Variants in SLITRK2 observed in about 807,000 individuals in gnomAD.
SLITRK2 encodes the protein SLIT and NTRK like family member 2, also known as SLIT and NTRK-like protein 2.
Under a neutral mutation model 35.4 loss-of-function variants are expected in SLITRK2, and 13 were observed. The observed-to-expected ratio is 0.37, with a 90% CI of 0.24 to 0.58. The LOEUF (loss-of-function observed/expected upper bound fraction) is 0.58, where lower values mean the gene tolerates loss of function less well. Ranked by LOEUF, SLITRK2 falls within the 20% of genes least tolerant of loss-of-function variation. SLITRK2 has a pLI of 0.75. For synonymous variants in SLITRK2, 294 were observed against 264.7 expected, an observed-to-expected ratio of 1.11 and a Z score of -1.07; for missense variants, 471 against 634.3, an observed-to-expected ratio of 0.74 and a Z score of 2.76.
chrX:145,819,609 T>C (rs1398222734), intron 1 of SLITRK2: 1 of 112,368 alleles, frequency 8.9e-6, no homozygotes, highest in Non-Finnish European at 1.9e-5. Flanking sequence ...TTTTAACCTT[T>C]GGAAATACAT....
rs782620217 is a variant in SLITRK2 at position 145,826,745 on chromosome X, T to A, written c.*1782T>A. 1 of 112,367 alleles carries A rather than the reference T, an allele frequency of 8.9e-6. No homozygotes were observed. Among genetic ancestry groups the A allele is most frequent in the South Asian group, 3.7e-4 (1 of 2,704 alleles). The allele number at this position is 112,367 out of a possible 1,213,427, so 9.3% of individuals were successfully genotyped here. On this transcript the variant is annotated 3_prime_UTR_variant, in exon 5 of 5. Coordinates refer to ENST00000335565, the MANE Select transcript of SLITRK2 (RefSeq NM_032539.5). ...TGTTTCCTTTTCATAAATAGGTTACTGCACATAATAATCCTTTATCGTCAT... is the reference window on the plus strand; with the variant it reads ...TGTTTCCTTTTCATAAATAGGTTACAGCACATAATAATCCTTTATCGTCAT...
intron 1 of SLITRK2, chrX:145,819,508 A>C (rs1182854442): frequency 8.9e-6 from 1 of 112,328 alleles, no homozygotes; most frequent in South Asian, 3.7e-4. Context: ...TTCGGCTCTC[A>C]CGTCTTTACT....
Position 145,825,998 on chromosome X carries a change from A to G in SLITRK2, c.*1035A>G, listed in dbSNP as rs2073122342. ...TTAGATATTTTTATATATTTAAATG[A>G]AAAAGTCTGTATTTCTAACTTTTTA... On this transcript the variant is annotated 3_prime_UTR_variant, in exon 5 of 5. Coordinates refer to ENST00000335565, the MANE Select transcript of SLITRK2 (RefSeq NM_032539.5). 8.9e-6 allele frequency: 1 copy of G among 112,459 alleles called. No homozygotes were observed. Among genetic ancestry groups the G allele is most frequent in the Non-Finnish European group, 1.9e-5 (1 of 53,159 alleles). The allele number at this position is 112,459 out of a possible 1,213,427, so 9.3% of individuals were successfully genotyped here.
In SLITRK2 at chrX:145,824,595, G is replaced by A. The variant is rs2073089423; in HGVS notation, c.2170G>A (p.Glu724Lys). The change falls in exon 5 of 5, where the codon GAG becomes AAG. Residue 724 changes from glutamate to lysine, a missense_variant. Physicochemically the swap from Glu to Lys is moderately conservative, Grantham distance 56. This residue lies in a region of SLITRK2 where 190 missense variants were observed against 199.3 expected (regional missense o/e 0.95). Coordinates refer to ENST00000335565, the MANE Select transcript of SLITRK2 (RefSeq NM_032539.5). ...NLQEFSYSNL[E>K]EKKEEPATPA... is the part of the protein sequence containing the mutation. ...GCAAGAGTTCAGCTATAGCAACCTG[G>A]AGGAGAAAAAAGAAGAGCCAGCCAC... 1 of 1,208,094 alleles carries A rather than the reference G, an allele frequency of 8.3e-7. No individual in the cohort carries two copies. The highest frequency in any genetic ancestry group is 2.2e-5 in the Admixed American group (1 of 45,393).
At position 145,824,165 on chromosome X, in the gene SLITRK2, C is replaced by T. The variant is rs1243190472; in HGVS notation, c.1740C>T (p.Asp580=). The T allele has an allele frequency of 1.7e-6, 2 of 1,207,005 alleles. No individual in the cohort carries two copies. The highest frequency in any genetic ancestry group is 2.2e-6 in the Non-Finnish European group (2 of 893,778). The stretch of plus-strand genomic sequence containing the variant: ...TGGGGAGGGAGGCTATCTGTCCAGA[C>T]AGCCCAAACTTGTCAGATGGAACCG... ...KFLGREAICP[D]SPNLSDGTVL... is the part of the protein sequence containing the mutation. The change falls in exon 5 of 5, where the codon GAC becomes GAT. Residue 580 remains aspartate (D), a synonymous_variant. Coordinates refer to ENST00000335565, the MANE Select transcript of SLITRK2 (RefSeq NM_032539.5).
chrX:145,823,823 C>G lies in SLITRK2; in HGVS notation c.1398C>G (p.Thr466=), dbSNP rs1556944504. The G allele has an allele frequency of 8.3e-7, 1 of 1,208,810 alleles. No individual in the cohort carries two copies. Among genetic ancestry groups the G allele is most frequent in the Admixed American group, 2.2e-5 (1 of 45,764 alleles). ...YNVIKEIKPL[T]FDALINLQLL... is the part of the protein sequence containing the mutation. ...TCATTAAGGAAATTAAGCCTCTGAC[C>G]TTTGATGCTTTGATTAACCTACAGC... The change falls in exon 5 of 5, where the codon ACC becomes ACG. Residue 466 remains threonine (T), a synonymous_variant. Transcript: ENST00000335565.
At position 145,824,563 on chromosome X, in the gene SLITRK2, G is replaced by A. The variant is rs192056413; in HGVS notation, c.2138G>A (p.Arg713Gln). 5.8e-6 allele frequency: 7 copies of A among 1,208,049 alleles called. No individual in the cohort carries two copies. The highest frequency in any genetic ancestry group is 2.2e-5 in the Admixed American group (1 of 45,436). The change falls in exon 5 of 5, where the codon CGA becomes CAA. Residue 713 changes from arginine (R) to glutamine (Q), a missense_variant. By Grantham distance (43) the Arg-to-Gln change is conservative. Transcript: ENST00000335565. ...GAAGGAGACCCAGTAGCCTATTACC[G>A]AAACCTGCAAGAGTTCAGCTATAGC... ...QKEGDPVAYY[R>Q]NLQEFSYSNL...
intron 1 of SLITRK2, chrX:145,818,804 A>C (rs1312254618): frequency 9.0e-5 from 10 of 111,418 alleles, no homozygotes; most frequent in African/African-American, 3.3e-4. Context: ...TATTTTAATG[A>C]CCGCCTTTCC....
In SLITRK2 at chrX:145,827,329, G is replaced by A. The variant is rs1333326785; in HGVS notation, c.*2366G>A. 1 of 126,711 alleles carries A rather than the reference G, an allele frequency of 7.9e-6. No individual in the cohort carries two copies. The highest frequency in any genetic ancestry group is 1.6e-5 in the Non-Finnish European group (1 of 62,585). The allele number at this position is 126,711 out of a possible 1,213,427, so 10.4% of individuals were successfully genotyped here. A position where few individuals can be genotyped will look rare whatever the true frequency, so the allele number is the denominator to read the frequency against. ...TACAGAGGTAGGTATTTTGGGAAGT[G>A]ATTGTGAAGGCAAATTTGCATATAT... is the stretch of plus-strand genomic sequence containing the variant. On this transcript the variant is annotated 3_prime_UTR_variant, in exon 5 of 5. Transcript: ENST00000335565.
intron 1 of SLITRK2, chrX:145,819,277 T>A (rs991671665): frequency 2.2e-4 from 25 of 112,108 alleles, no homozygotes; most frequent in Non-Finnish European, 3.8e-4. Context: ...CATTTTTTTT[T>A]AATAAAAAGG....
rs781922818 is a variant in SLITRK2, at chrX:145,819,737, C to G, written c.-792-737C>G. ...GGTGGGAGGCCATCCACAGGGCTGT[C>G]CCTCTGCCTCAGAGCTCATCTCAAG... On this transcript the variant is annotated intron_variant, in intron 1 of 4. Transcript: ENST00000335565. 237 of 111,801 alleles carry G rather than the reference C, an allele frequency of 2.1e-3. 4 individuals carry two copies. Among genetic ancestry groups the G allele is most frequent in the African/African-American group, 7.4e-3 (229 of 30,761 alleles). 9.2% of individuals were successfully genotyped at this position (111,801 alleles called of 1,213,427 possible). A position where few individuals can be genotyped will look rare whatever the true frequency, so the allele number is the denominator to read the frequency against.
rs1175705291 is a variant in SLITRK2, at chrX:145,826,957, G to A, written c.*1994G>A. On this transcript the variant is annotated 3_prime_UTR_variant, in exon 5 of 5. Coordinates refer to ENST00000335565, the MANE Select transcript of SLITRK2 (RefSeq NM_032539.5). ...TGTAAAAACAATAGAAGGTAATTGTGTGTATATAATAACGTAAAGGGCATT... is the reference window on the plus strand; with the variant it reads ...TGTAAAAACAATAGAAGGTAATTGTATGTATATAATAACGTAAAGGGCATT... 2.7e-5 allele frequency: 3 copies of A among 111,988 alleles called. No individual in the cohort carries two copies. The highest frequency in any genetic ancestry group is 3.8e-5 in the Non-Finnish European group (2 of 53,145). 9.2% of individuals were successfully genotyped at this position (111,988 alleles called of 1,213,427 possible). A position where few individuals can be genotyped will look rare whatever the true frequency, so the allele number is the denominator to read the frequency against.
chrX:145,824,914 C>T lies in SLITRK2; in HGVS notation c.2489C>T (p.Pro830Leu), dbSNP rs2073099096. 5 of 1,208,060 alleles carry T rather than the reference C, an allele frequency of 4.1e-6. No individual in the cohort carries two copies. The Admixed American group carries it at 6.6e-5, about 16-fold the overall frequency. Residue 830 changes from proline (P) to leucine (L), a missense_variant, in exon 5 of 5, where the codon CCG becomes CTG. Coordinates refer to ENST00000335565, the MANE Select transcript of SLITRK2 (RefSeq NM_032539.5). ...CTGCAAGCTAAGCCGCAATCAGAAC[C>T]GGACTACCTCGAAGTTCTGGAAAAA... ...PLLQAKPQSE[P>L]DYLEVLEKQT...
chrX:145,825,166 C>A lies in SLITRK2; in HGVS notation c.*203C>A. On this transcript the variant is annotated 3_prime_UTR_variant, in exon 5 of 5. Transcript: ENST00000335565. ...ATTATTTCTCTCTCGCTCTCCTCCCCTCCTTTTTTTTTTTTTTTTTTTTTT... is the reference window on the plus strand; with the variant it reads ...ATTATTTCTCTCTCGCTCTCCTCCCATCCTTTTTTTTTTTTTTTTTTTTTT... The A allele has an allele frequency of 3.3e-6, 1 of 299,757 alleles. No individual in the cohort carries two copies. 24.7% of individuals were successfully genotyped at this position (299,757 alleles called of 1,213,427 possible). A position where few individuals can be genotyped will look rare whatever the true frequency, so the allele number is the denominator to read the frequency against.
rs1569507056 is a variant in SLITRK2 at position 145,824,495 on chromosome X, A to C, written c.2070A>C (p.Pro690=). ...GCCATGTCTACAACTATATCCCCCC[A>C]CCTGTGGGTCAGATGTGCCAAAACC... ...TDGHVYNYIP[P]PVGQMCQNPI... is the part of the protein sequence containing the mutation. The change falls in exon 5 of 5, where the codon CCA becomes CCC. Residue 690 remains proline (P), a synonymous_variant. Transcript: ENST00000335565. 1.7e-6 allele frequency: 2 copies of C among 1,211,052 alleles called. No homozygotes were observed. The highest frequency in any genetic ancestry group is 1.8e-5 in the South Asian group (1 of 56,911).
rs2124139146 is a variant in SLITRK2 at position 145,821,542 on chromosome X, A to C, written c.-535A>C. On this transcript the variant is annotated 5_prime_UTR_variant, in exon 3 of 5. Transcript: ENST00000335565. ...CAAAGCCTCTCAGATTCAAACTGCT[A>C]GACGCACTGCTGCCACCGCCACCGA... The C allele has an allele frequency of 9.1e-6, 1 of 109,707 alleles. No individual in the cohort carries two copies. The highest frequency in any genetic ancestry group is 4.1e-4 in the South Asian group (1 of 2,447). 9.0% of individuals were successfully genotyped at this position (109,707 alleles called of 1,213,427 possible). A position where few individuals can be genotyped will look rare whatever the true frequency, so the allele number is the denominator to read the frequency against.
chrX:145,819,096 C>G (rs1323578515), intron 1 of SLITRK2: 1 of 111,158 alleles, frequency 9.0e-6, no homozygotes, highest in Non-Finnish European at 1.9e-5. Flanking sequence ...TCTCAAGAAT[C>G]TCATGAGCCC....
chrX:145,827,714 A>G lies in SLITRK2; in HGVS notation c.*2751A>G, dbSNP rs1250048924. On this transcript the variant is annotated 3_prime_UTR_variant, in exon 5 of 5. Coordinates refer to ENST00000335565, the MANE Select transcript of SLITRK2 (RefSeq NM_032539.5). ...ACTATTTTATTTAAAATCATCATAC[A>G]TCATATACTTTGAACCTTTATTTTC... The G allele has an allele frequency of 1.5e-5, 17 of 1,170,759 alleles. No homozygotes were observed. The highest frequency in any genetic ancestry group is 2.0e-5 in the Non-Finnish European group (17 of 867,387).
rs782499105 is a variant in SLITRK2, at chrX:145,827,678, A to G, written c.*2715A>G. The G allele has an allele frequency of 9.1e-7, 1 of 1,093,952 alleles. No individual in the cohort carries two copies. Among genetic ancestry groups the G allele is most frequent in the Admixed American group, 3.0e-5 (1 of 33,179 alleles). The allele number at this position is 1,093,952 out of a possible 1,213,427, so 90.2% of individuals were successfully genotyped here. Reference sequence around the variant, plus strand: ...TAGATTTTTAAATGAAATTATTTGAATGTATTCCAGACTATTTTATTTAAA... The same window carrying G: ...TAGATTTTTAAATGAAATTATTTGAGTGTATTCCAGACTATTTTATTTAAA... On this transcript the variant is annotated 3_prime_UTR_variant, in exon 5 of 5. Transcript: ENST00000335565.
Sources: gnomAD v4.1 joint callset for allele counts on GRCh38, gnomAD v4.1.1 for gene constraint, gnomAD v4.1.1 regional missense constraint, MANE v1.5 for transcripts, NCBI Gene and HGNC (gene_info 2026-07-23, HGNC 2026-07-21) for gene names.